Variants in STAU1 observed in about 807,000 individuals in gnomAD.
STAU1 encodes the protein staufen double-stranded RNA binding protein 1, also known as double-stranded RNA-binding protein Staufen homolog 1.
Under a neutral mutation model 62.9 loss-of-function variants are expected in STAU1, and 13 were observed. The ratio of observed to expected loss-of-function variants is 0.21; its 90% CI spans 0.13 to 0.33. STAU1 has a LOEUF of 0.33. Among genes scored for constraint, STAU1 ranks in the 10% least tolerant of loss-of-function variants. The probability of loss-of-function intolerance (pLI) is 1.00; values close to 1 mark genes in which losing one functional copy is unlikely to be tolerated. For synonymous variants in STAU1, 269 were observed against 265.1 expected (o/e 1.01, Z -0.14); for missense variants, 571 against 712.1 (o/e 0.80, Z 2.25).
intron 6 of STAU1, chr20:49,134,743 A>G: frequency 8.8e-7 from 1 of 1,138,170 alleles, no homozygotes; most frequent in Non-Finnish European, 1.3e-6. Context: ...GCAATTCCAA[A>G]AGTCAAGGTG....
At chr20:49,154,198 G>T in intron 3 of STAU1, 127 bp from the exon 4 acceptor site, 3 of 950,028 alleles carry the variant, frequency 3.2e-6, no homozygotes, top group Non-Finnish European at 3.1e-6. Context: ...GACCTGGGTG[G>T]CTCACTGCTA....
intron 2 of STAU1, among the ~76,000 whole-genome samples, chr20:49,170,785 G>GGA (rs1568922858): frequency 7.4e-6 from 1 of 135,768 alleles, no homozygotes; most frequent in African/African-American, 2.8e-5. Context: ...ATGTGTCTGG[G>GGA]AAAAAAAAAA....
intron 1 of STAU1, among the ~76,000 whole-genome samples, chr20:49,175,978 TAG>T (rs2093655982): frequency 6.6e-6 from 1 of 151,312 alleles, no homozygotes; most frequent in Admixed American, 6.6e-5. Flanking sequence ...GTATTTTTAG[TAG>T]AGACGGGGTT....
At chr20:49,188,687 C>T (rs2093821750), upstream of STAU1, among the ~76,000 whole-genome samples, 1 of 152,216 alleles carries the variant, frequency 6.6e-6, no homozygotes, top group African/African-American at 2.4e-5. Flanking sequence ...CTTGCTGTCG[C>T]TTCTTCCTCT....
At chr20:49,218,930 C>T in the STAU1 span, among the ~76,000 whole-genome samples, 26 of 146,248 alleles carry the variant, frequency 1.8e-4, no homozygotes, top group African/African-American at 6.6e-4. Flanking sequence ...GCGGGAGGAT[C>T]GCTTGAGCCC....
At position 49,116,501 on chromosome 20, in the gene STAU1, A is replaced by T. The variant is rs536397208; in HGVS notation, c.1632+625T>A. 2.0e-5 allele frequency among the ~76,000 whole-genome samples: 3 copies of T among 150,838 alleles called. No individual in the cohort carries two copies. The East Asian group carries it at 5.9e-4, about 30-fold the overall frequency. On this transcript the variant is annotated intron_variant, in intron 12 of 13. Coordinates refer to ENST00000371856, the MANE Select transcript of STAU1 (RefSeq NM_017453.4). Reference sequence around the variant, plus strand: ...AGGCACCCACCACCACACCTGGCTAATTTTTTTTTGTATTTTTAGTAGAGA... The same window carrying T: ...AGGCACCCACCACCACACCTGGCTATTTTTTTTTTGTATTTTTAGTAGAGA...
chr20:49,130,950 A>C (rs1368336719), intron 6 of STAU1, among the ~76,000 whole-genome samples: 1 of 152,190 alleles, frequency 6.6e-6, no homozygotes, highest in African/African-American at 2.4e-5. Flanking sequence ...AAAAAAAAAA[A>C]AGATTGCTGG....
chr20:49,178,127 T>C (rs1255778265), intron 1 of STAU1, among the ~76,000 whole-genome samples: 1 of 151,510 alleles, frequency 6.6e-6, no homozygotes, highest in Non-Finnish European at 1.5e-5. Context: ...CAGTGAGCCC[T>C]GAGTGCACCA....
Position 49,172,006 on chromosome 20 carries a change from G to T in STAU1, c.-85+2189C>A, listed in dbSNP as rs557865164. 2.0e-5 allele frequency among the ~76,000 whole-genome samples: 3 copies of T among 151,456 alleles called. No homozygotes were observed. In the East Asian group the frequency reaches 5.8e-4, roughly 29 times the overall value. On this transcript the variant is annotated intron_variant, in intron 2 of 13. Transcript: ENST00000371856. The stretch of plus-strand genomic sequence containing the variant: ...TAGCCCTGAGGAGGCACACTCACTT[G>T]CAAGACAGTAAAATTAACCAAAAAT...
At chr20:49,209,789 C>T in the STAU1 span, among the ~76,000 whole-genome samples, 1 of 151,990 alleles carries the variant, frequency 6.6e-6, no homozygotes, top group Admixed American at 6.6e-5. Flanking sequence ...TGGCTCATGC[C>T]TGTAATCCCA....
At chr20:49,133,464 G>A (rs2092798629) in intron 6 of STAU1, among the ~76,000 whole-genome samples, 1 of 152,148 alleles carries the variant, frequency 6.6e-6, no homozygotes, top group African/African-American at 2.4e-5. Flanking sequence ...TGTCAGCAGG[G>A]GAGAAAAGCA....
intron 6 of STAU1, among the ~76,000 whole-genome samples, chr20:49,131,992 G>A (rs1276891566): frequency 3.3e-5 from 5 of 151,884 alleles, no homozygotes; most frequent in Non-Finnish European, 7.4e-5. Context: ...TTGAAAAAAT[G>A]TCTAGGTAAG....
intron 8 of STAU1, among the ~76,000 whole-genome samples, chr20:49,120,552 TATAC>T (rs1399325558): frequency 1.3e-5 from 2 of 152,118 alleles, no homozygotes; most frequent in African/African-American, 4.8e-5. Flanking sequence ...ACCACAGAAA[TATAC>T]AAATGCTACG....
upstream of STAU1, among the ~76,000 whole-genome samples, chr20:49,191,776 C>T (rs373310332): frequency 1.1e-4 from 17 of 152,194 alleles, 1 homozygote; most frequent in South Asian, 8.3e-4. Context: ...TGGGGCCGGG[C>T]GCAGTGGCTT....
In STAU1 at chr20:49,187,781, C is replaced by CA. The variant is rs3091832; in HGVS notation, c.-160+334_-160+335insT. ...GGGGACCTGAAGCAGGGACCCCCCC[C>CA]CCCCCCCGCCTGCGCCCCAGCCCCG... On this transcript the variant is annotated intron_variant, in intron 1 of 13. Coordinates refer to ENST00000371856, the MANE Select transcript of STAU1 (RefSeq NM_017453.4). 3.7e-5 allele frequency among the ~76,000 whole-genome samples: 5 copies of CA among 135,694 alleles called. No homozygotes were observed. In the South Asian group the frequency reaches 7.8e-4, roughly 21 times the overall value. 89.0% of individuals were successfully genotyped at this position (135,694 alleles called of 152,430 possible).
chr20:49,170,596 G>A (rs1001751143), intron 2 of STAU1, among the ~76,000 whole-genome samples: 4 of 152,088 alleles, frequency 2.6e-5, no homozygotes, highest in African/African-American at 7.2e-5. Context: ...CAAGTGATCC[G>A]CCTGTCTTGG....
At chr20:49,126,057 T>C (rs1311802510) in intron 6 of STAU1, among the ~76,000 whole-genome samples, 2 of 151,316 alleles carry the variant, frequency 1.3e-5, no homozygotes, top group Non-Finnish European at 2.9e-5. Flanking sequence ...AATCTCCAAA[T>C]GGACCAAAGA....
In STAU1 at chr20:49,172,454, A is replaced by G. The variant is rs551542704; in HGVS notation, c.-85+1741T>C. Reference sequence around the variant, plus strand: ...GAAAACTTTTAACACAATAAAAATGAATACCTGTTCATGATCTGCTGGAGA... The same window carrying G: ...GAAAACTTTTAACACAATAAAAATGGATACCTGTTCATGATCTGCTGGAGA... On this transcript the variant is annotated intron_variant, in intron 2 of 13. Coordinates refer to ENST00000371856, the MANE Select transcript of STAU1 (RefSeq NM_017453.4). Among the ~76,000 whole-genome samples, 165 of 152,354 alleles carry G rather than the reference A, an allele frequency of 1.1e-3. 1 individual carries two copies. The highest frequency in any genetic ancestry group is 3.8e-3 in the African/African-American group (160 of 41,592).
intron 3 of STAU1, among the ~76,000 whole-genome samples, chr20:49,165,480 C>T (rs971658978): frequency 2.0e-5 from 3 of 151,946 alleles, no homozygotes; most frequent in African/African-American, 2.4e-5. Context: ...CTGTTATGGG[C>T]GTGCATCACC....
Sources: allele counts gnomAD v4.1 joint callset (sites outside exome capture counted in the v4.1 genomes callset), GRCh38; gene constraint gnomAD v4.1.1; transcripts MANE v1.5; gene names NCBI Gene and HGNC (gene_info 2026-07-23, HGNC 2026-07-21).